ATP8A2: variants seen among roughly 807,000 people sequenced by gnomAD.
ATP8A2 encodes the protein phospholipid-transporting ATPase IB.
In ATP8A2, 100 loss-of-function variants were observed where a neutral mutation model predicts 165.6. The ratio of observed to expected loss-of-function variants is 0.60; its 90% CI spans 0.51 to 0.71. The LOEUF (loss-of-function observed/expected upper bound fraction) is 0.71, where lower values mean the gene tolerates loss of function less well. ATP8A2 is among the 30% of genes least tolerant of loss of function. ATP8A2 has a pLI of 0.00. For synonymous variants in ATP8A2, 543 were observed against 548.8 expected (o/e 0.99, Z 0.15); for missense variants, 1,227 against 1,479.5 (o/e 0.83, Z 2.80).
intron 2 of ATP8A2, among the ~76,000 whole-genome samples, chr13:25,502,659 G>A (rs2036890901): frequency 6.6e-6 from 1 of 152,176 alleles, no homozygotes; most frequent in Non-Finnish European, 1.5e-5. Flanking sequence ...CAGTGGTAGC[G>A]GGTGGATCCT....
At chr13:25,914,452 T>A (rs1447233747) in intron 33 of ATP8A2, among the ~76,000 whole-genome samples, 2 of 152,218 alleles carry the variant, frequency 1.3e-5, no homozygotes, top group African/African-American at 4.8e-5. Context: ...CTACAACCTG[T>A]GTACTGATGA....
chr13:25,417,596 G>GGAT (rs754783837), intron 1 of ATP8A2, among the ~76,000 whole-genome samples: 2 of 129,892 alleles, frequency 1.5e-5, no homozygotes, highest in African/African-American at 5.7e-5. Context: ...AGACTTGTTA[G>GGAT]GATAATTATT....
At chr13:25,471,642 T>G (rs1485946156) in intron 2 of ATP8A2, among the ~76,000 whole-genome samples, 1 of 152,184 alleles carries the variant, frequency 6.6e-6, no homozygotes, top group Non-Finnish European at 1.5e-5. Flanking sequence ...CAGGCCCAGC[T>G]GGAAGGTAAA....
intron 1 of ATP8A2, among the ~76,000 whole-genome samples, chr13:25,425,248 A>G (rs1161226409): frequency 6.6e-6 from 1 of 152,078 alleles, no homozygotes; most frequent in Non-Finnish European, 1.5e-5. Context: ...TGTTTTGTAT[A>G]TACATTTTGC....
intron 25 of ATP8A2, among the ~76,000 whole-genome samples, chr13:25,701,807 G>T (rs566052801): frequency 4.7e-4 from 71 of 151,284 alleles, no homozygotes; most frequent in African/African-American, 1.6e-3. Flanking sequence ...ACAGTGCTTT[G>T]TGTGTCTCAT....
intron 27 of ATP8A2, among the ~76,000 whole-genome samples, chr13:25,812,629 TTAAG>T (rs1199661028): frequency 6.7e-6 from 1 of 150,196 alleles, no homozygotes; most frequent in African/African-American, 2.5e-5. Context: ...TAAAACAAAA[TTAAG>T]TAAGATTTCC....
rs1217972233 is a variant in ATP8A2 at position 25,555,185 on chromosome 13, A to G, written c.1263+117A>G. On this transcript the variant is annotated intron_variant, in intron 13 of 36. Transcript: ENST00000381655. ...ATACTTCTCCATGAACATGGCTAGA[A>G]CATCTGAAGAGCTATATAATACTTT... is the stretch of plus-strand genomic sequence containing the variant. The G allele has an allele frequency of 1.0e-5, 7 of 703,310 alleles. No individual in the cohort carries two copies. In the Admixed American group the frequency reaches 1.1e-4, roughly 12 times the overall value. 43.6% of individuals were successfully genotyped at this position (703,310 alleles called of 1,614,324 possible).
At chr13:25,698,770 C>T (rs2042888531) in intron 24 of ATP8A2, among the ~76,000 whole-genome samples, 1 of 152,036 alleles carries the variant, frequency 6.6e-6, no homozygotes, top group Non-Finnish European at 1.5e-5. Flanking sequence ...AATATTTTGT[C>T]ATATTTTTAT....
At chr13:25,659,604 G>A (rs1308479553) in intron 24 of ATP8A2, among the ~76,000 whole-genome samples, 2 of 152,190 alleles carry the variant, frequency 1.3e-5, no homozygotes, top group African/African-American at 4.8e-5. Context: ...ATCCAGTTCG[G>A]TAGGCTTTTC....
At chr13:25,737,498 G>A (rs184396352) in intron 25 of ATP8A2, among the ~76,000 whole-genome samples, 240 of 151,974 alleles carry the variant, frequency 1.6e-3, no homozygotes, top group African/African-American at 5.4e-3. Context: ...GCAAATTATC[G>A]CTTTCTTTTC....
At position 25,837,152 on chromosome 13, in the gene ATP8A2, T is replaced by C; in HGVS notation, c.2755-11T>C. The C allele has an allele frequency of 1.2e-6, 2 of 1,613,136 alleles. No homozygotes were observed. The highest frequency in any genetic ancestry group is 1.3e-5 in the African/African-American group (1 of 74,970). On this transcript the variant is annotated splice_polypyrimidine_tract_variant and intron_variant, in intron 28 of 36. Coordinates refer to ENST00000381655, the MANE Select transcript of ATP8A2 (RefSeq NM_016529.6). ...AGGGCTGCTTTTAATGGCTCATTGT[T>C]CTCCCTGCAGATTTTCACCGCTTTG...
chr13:25,518,054 T>G (rs781695204), intron 2 of ATP8A2, among the ~76,000 whole-genome samples: 15 of 152,256 alleles, frequency 9.9e-5, no homozygotes, highest in Non-Finnish European at 1.0e-4. Context: ...CTCCCAGGTA[T>G]GCAGTGATGT....
intron 21 of ATP8A2, 86 bp from the exon 22 acceptor site, chr13:25,579,722 G>A (rs2039717045): frequency 2.0e-6 from 3 of 1,500,480 alleles, no homozygotes; most frequent in Non-Finnish European, 2.7e-6. Context: ...ATTTTTTTGG[G>A]CATGCTGATG....
intron 24 of ATP8A2, among the ~76,000 whole-genome samples, chr13:25,679,282 A>C (rs1476645864): frequency 6.6e-6 from 1 of 152,200 alleles, no homozygotes; most frequent in Non-Finnish European, 1.5e-5. Context: ...ATCCTGATAA[A>C]AAATGGTAAC....
chr13:25,689,742 T>C (rs994828210), intron 24 of ATP8A2, among the ~76,000 whole-genome samples: 2 of 152,156 alleles, frequency 1.3e-5, no homozygotes, highest in Non-Finnish European at 2.9e-5. Context: ...TCTGGGCAAA[T>C]GGTGTGACAA....
chr13:25,828,013 G>A (rs1951363903), intron 27 of ATP8A2, 105 bp from the exon 28 acceptor site: 1 of 847,634 alleles, frequency 1.2e-6, no homozygotes, highest in South Asian at 1.4e-5. Flanking sequence ...TGATTCCTTA[G>A]CAGCTGTGTC....
chr13:25,637,236 C>A (rs946330436), intron 24 of ATP8A2, among the ~76,000 whole-genome samples: 1 of 151,806 alleles, frequency 6.6e-6, no homozygotes, highest in African/African-American at 2.4e-5. Flanking sequence ...GGGTTCATCT[C>A]ACTGGGGCTA....
chr13:25,412,209 A>C (rs7325060), intron 1 of ATP8A2, among the ~76,000 whole-genome samples: 9 of 152,106 alleles, frequency 5.9e-5, no homozygotes, highest in African/African-American at 1.9e-4. Context: ...ACAACTCTAT[A>C]TAGGGATGCT....
At chr13:25,887,193 A>G (rs899886777) in intron 33 of ATP8A2, among the ~76,000 whole-genome samples, 2 of 152,162 alleles carry the variant, frequency 1.3e-5, no homozygotes, top group East Asian at 3.9e-4. Flanking sequence ...AGTTCTGTCC[A>G]TGGGTATTCA....
Sources: gnomAD v4.1 joint callset for allele counts (sites outside exome capture counted in the v4.1 genomes callset) on GRCh38, gnomAD v4.1.1 for gene constraint, MANE v1.5 for transcripts, NCBI Gene and HGNC (gene_info 2026-07-23, HGNC 2026-07-21) for gene names.